Variants in ISL1 observed in about 807,000 individuals in gnomAD.
ISL1 encodes insulin gene enhancer protein ISL-1.
In ISL1, 4 loss-of-function variants were observed where a neutral mutation model predicts 35.3. The ratio of observed to expected loss-of-function variants is 0.11; its 90% CI spans 0.06 to 0.26. The LOEUF (loss-of-function observed/expected upper bound fraction) is 0.26, where lower values mean the gene tolerates loss of function less well. Among genes scored for constraint, ISL1 ranks in the 10% least tolerant of loss-of-function variants. ISL1 has a pLI of 1.00. For missense variants in ISL1, 340 were observed against 472.8 expected (o/e 0.72, Z 2.60); for synonymous variants, 186 against 172.3 (o/e 1.08, Z -0.62).
At chr5:51,384,252 G>A (rs1366268500) in intron 1 of ISL1, among the ~76,000 whole-genome samples, 7 of 143,216 alleles carry the variant, frequency 4.9e-5, no homozygotes, top group Non-Finnish European at 7.6e-5. Context: ...AAGGGGGGGG[G>A]GAGAAATACA....
At chr5:51,385,193 A>G (rs1480850199) in intron 2 of ISL1, among the ~76,000 whole-genome samples, 1 of 152,228 alleles carries the variant, frequency 6.6e-6, no homozygotes, top group Non-Finnish European at 1.5e-5. Flanking sequence ...TAAAAGTTTG[A>G]CCGAAGCATG....
At position 51,387,955 on chromosome 5, in the gene ISL1, C is replaced by G. The variant is rs1176238163; in HGVS notation, c.478+206C>G. On this transcript the variant is annotated intron_variant, in intron 3 of 5. Transcript: ENST00000230658. The surrounding 1 kb of genome is among the most constrained non-coding windows in gnomAD (Gnocchi z 4.3). ...TGTCTCCCTTGATTCCCCGAGCACA[C>G]CTACACCGTCTGTGTGTCTCTATAT... Among the ~76,000 whole-genome samples the G allele has an allele frequency of 6.6e-6, 1 of 152,260 alleles. No homozygotes were observed.
At chr5:51,391,958 G>A (rs146062985) in intron 5 of ISL1, among the ~76,000 whole-genome samples, 57 of 152,072 alleles carry the variant, frequency 3.7e-4, no homozygotes, top group African/African-American at 1.3e-3. Flanking sequence ...CATGTGTCTG[G>A]GTACAATTTT....
chr5:51,386,422 A>G (rs897407875), intron 2 of ISL1: 7 of 361,998 alleles, frequency 1.9e-5, no homozygotes, highest in Non-Finnish European at 3.8e-5. Flanking sequence ...GTAATCTTGT[A>G]GTTGTAAAAG....
rs747297056 is a variant in ISL1 at position 51,384,545 on chromosome 5, A to T, written c.33A>T (p.Lys11Asn). The change falls in exon 2 of 6, where the codon AAA (lysine) becomes AAT (asparagine). Residue 11 changes from lysine to asparagine, a missense_variant. This residue lies in a region of ISL1 where 22 missense variants were observed against 18.4 expected (regional missense o/e 1.20). Transcript: ENST00000230658. The part of the protein sequence containing the change: MGDMGDPPKK[K>N]RLISLCVGCG... ...ATGTATTTATTTTCATTTCAGAAAAACGTCTGATTTCCCTATGTGTTGGTT... is the reference window on the plus strand; with the variant it reads ...ATGTATTTATTTTCATTTCAGAAAATCGTCTGATTTCCCTATGTGTTGGTT... The T allele has an allele frequency of 6.8e-6, 11 of 1,614,030 alleles. No individual in the cohort carries two copies. The highest frequency in any genetic ancestry group is 1.7e-5 in the Admixed American group (1 of 60,026).
At chr5:51,385,742 A>G (rs1747327926) in intron 2 of ISL1, among the ~76,000 whole-genome samples, 1 of 152,174 alleles carries the variant, frequency 6.6e-6, no homozygotes, top group South Asian at 2.1e-4. Context: ...AGACATCAGC[A>G]TCATTATTAT....
In ISL1 at chr5:51,393,888, T is replaced by G. The variant is rs558464005; in HGVS notation, c.*278T>G. 8.6e-5 allele frequency: 39 copies of G among 454,270 alleles called. No homozygotes were observed. The highest frequency in any genetic ancestry group is 6.7e-4 in the African/African-American group (34 of 50,884). The allele number at this position is 454,270 out of a possible 1,614,324, so 28.1% of individuals were successfully genotyped here. A position where few individuals can be genotyped will look rare whatever the true frequency, so the allele number is the denominator to read the frequency against. On this transcript the variant is annotated 3_prime_UTR_variant, in exon 6 of 6. Coordinates refer to ENST00000230658, the MANE Select transcript of ISL1 (RefSeq NM_002202.3). The stretch of plus-strand genomic sequence containing the variant: ...AGAAGTACTGAAAAAAAAAGACGTT[T>G]TTAAAACGTAGAGGATTTATATTCA...
At chr5:51,384,498 G>C in intron 1 of ISL1, 43 bp from the exon 2 acceptor site, 1 of 1,559,302 alleles carries the variant, frequency 6.4e-7, no homozygotes, top group Non-Finnish European at 8.8e-7. Flanking sequence ...TATCTCTGTA[G>C]GAAGTAAACG....
chr5:51,391,806 C>T (rs1055403238), intron 5 of ISL1, among the ~76,000 whole-genome samples: 23 of 152,050 alleles, frequency 1.5e-4, no homozygotes, highest in African/African-American at 5.3e-4. Context: ...AGGAAATCGT[C>T]TTGGCATTTC....
At chr5:51,384,356 A>C (rs1747288764) in intron 1 of ISL1, among the ~76,000 whole-genome samples, 185 bp from the exon 2 acceptor site, 3 of 151,576 alleles carry the variant, frequency 2.0e-5, no homozygotes, top group Admixed American at 6.6e-5. Context: ...AAAATGAGTC[A>C]AGGTTTTGAT....
rs1286284195 is a variant in ISL1 at position 51,383,768 on chromosome 5, G to A, written c.28+69G>A. Reference sequence around the variant, plus strand: ...GTGCGGGGTTCTCTCTCAGGCACAGGCTGAGGTGCCAAGGGCTCTTTGGAG... The same window carrying A: ...GTGCGGGGTTCTCTCTCAGGCACAGACTGAGGTGCCAAGGGCTCTTTGGAG... On this transcript the variant is annotated intron_variant, in intron 1 of 5. Transcript: ENST00000230658. The A allele has an allele frequency of 1.5e-5, 20 of 1,338,676 alleles. No individual in the cohort carries two copies. In the Admixed American group the frequency reaches 3.2e-4, roughly 21 times the overall value. The allele number at this position is 1,338,676 out of a possible 1,614,324, so 82.9% of individuals were successfully genotyped here. A position where few individuals can be genotyped will look rare whatever the true frequency, so the allele number is the denominator to read the frequency against.
Position 51,384,556 on chromosome 5 carries a change from C to G in ISL1, c.44C>G (p.Ser15Cys). ...TTCATTTCAGAAAAACGTCTGATTT[C>G]CCTATGTGTTGGTTGCGGCAATCAG... is the stretch of plus-strand genomic sequence containing the variant. ...GDPPKKKRLI[S>C]LCVGCGNQIH... Residue 15 changes from serine to cysteine, a missense_variant, in exon 2 of 6, where the codon TCC becomes TGC. Ser to Cys is a moderately radical substitution (Grantham distance 112). Transcript: ENST00000230658. 1 of 1,614,064 alleles carries G rather than the reference C, an allele frequency of 6.2e-7. No homozygotes were observed. Among genetic ancestry groups the G allele is most frequent in the Non-Finnish European group, 8.5e-7 (1 of 1,179,990 alleles).
intron 4 of ISL1, among the ~76,000 whole-genome samples, chr5:51,390,563 G>A (rs1747471681): frequency 6.7e-6 from 1 of 150,264 alleles, no homozygotes; most frequent in African/African-American, 2.4e-5. Context: ...TTGGTCCCAC[G>A]GAAGCACCCA....
In ISL1 at chr5:51,387,389, C is replaced by T; in HGVS notation, c.219-101C>T. On this transcript the variant is annotated intron_variant, in intron 2 of 5. Transcript: ENST00000230658. This position sits in a 1 kb window ranked among gnomAD's most constrained non-coding sequence, Gnocchi z 4.3. ...ATGCTGTTTACTTGGGGCGTCTTGC[C>T]CGGGATCTTGGGCCAGGGAAGTGCC... 1.5e-6 allele frequency: 2 copies of T among 1,346,714 alleles called. No individual in the cohort carries two copies. The highest frequency in any genetic ancestry group is 2.1e-6 in the Non-Finnish European group (2 of 958,324). The allele number at this position is 1,346,714 out of a possible 1,614,324, so 83.4% of individuals were successfully genotyped here.
chr5:51,393,131 A>C (rs560098282), intron 5 of ISL1, among the ~76,000 whole-genome samples: 21 of 152,186 alleles, frequency 1.4e-4, no homozygotes, highest in Non-Finnish European at 2.8e-4. Context: ...CTGAGAGCTC[A>C]CCTACTCCCA....
chr5:51,388,725 C>T (rs557879131), intron 3 of ISL1, among the ~76,000 whole-genome samples: 35 of 152,232 alleles, frequency 2.3e-4, no homozygotes, highest in Non-Finnish European at 3.8e-4. Flanking sequence ...CTTCTGCCTT[C>T]TGGCAGCTCT....
In ISL1 at chr5:51,394,393, G is replaced by A. The variant is rs1172045070; in HGVS notation, c.*783G>A. 6.6e-6 allele frequency: 1 copy of A among 150,774 alleles called. No individual in the cohort carries two copies. 9.3% of individuals were successfully genotyped at this position (150,774 alleles called of 1,614,324 possible). ...CCAAGAACTTTTCCCCCAAAGATGT[G>A]TATAGTTATTGGTTAAAATGACTGT... On this transcript the variant is annotated 3_prime_UTR_variant, in exon 6 of 6. Transcript: ENST00000230658.
chr5:51,384,860 C>T (rs2111835613), intron 2 of ISL1, 130 bp downstream of exon 2: 2 of 839,618 alleles, frequency 2.4e-6, no homozygotes, highest in East Asian at 2.5e-5. Context: ...GCCAAAGTTA[C>T]CCTGTACATG....
Position 51,387,726 on chromosome 5 carries a change from C to T in ISL1, c.455C>T (p.Pro152Leu), listed in dbSNP as rs773245480. ...GAGDPLSPLH[P>L]ARPLQMAAEP... ...GGCGACCCGCTCAGTCCCCTGCATC[C>T]AGCGCGGCCACTGCAAATGGCAGGT... The change falls in exon 3 of 6, where the codon CCA (proline) becomes CTA (leucine). Residue 152 changes from proline to leucine, a missense_variant. Pro to Leu is a moderately conservative substitution (Grantham distance 98). Around this residue, in one of 7 missense-constraint regions of ISL1, gnomAD observed 94 missense variants for 102.1 expected, o/e 0.92. Coordinates refer to ENST00000230658, the MANE Select transcript of ISL1 (RefSeq NM_002202.3). This position sits in a 1 kb window ranked among gnomAD's most constrained non-coding sequence, Gnocchi z 4.3. The T allele has an allele frequency of 3.1e-6, 5 of 1,614,184 alleles. No individual in the cohort carries two copies. In the South Asian group the frequency reaches 5.5e-5, roughly 18 times the overall value.
Sources: gnomAD v4.1 joint callset for allele counts (sites outside exome capture counted in the v4.1 genomes callset) on GRCh38, gnomAD v4.1.1 for gene constraint, gnomAD v4.1.1 regional missense constraint, Gnocchi (gnomAD v3.1) non-coding constraint, MANE v1.5 for transcripts, NCBI Gene and HGNC (gene_info 2026-07-23, HGNC 2026-07-21) for gene names.